Variants in USP20 observed in about 807,000 individuals in gnomAD.
USP20 encodes ubiquitin specific peptidase 20.
Under a neutral mutation model 124.2 loss-of-function variants are expected in USP20, and 80 were observed. That is an observed-to-expected ratio of 0.64 (90% CI 0.54 to 0.78). The LOEUF (loss-of-function observed/expected upper bound fraction) is 0.78, where lower values mean the gene tolerates loss of function less well. Among genes scored for constraint, USP20 ranks in the 30% least tolerant of loss-of-function variants. The pLI is 0.00. For missense variants in USP20, 1,043 were observed against 1,244.4 expected (o/e 0.84, Z 2.44); for synonymous variants, 481 against 512.3 (o/e 0.94, Z 0.83).
At position 129,880,143 on chromosome 9, in the gene USP20, C is replaced by T. The variant is rs1364427782; in HGVS notation, c.2615C>T (p.Thr872Ile). Residue 872 changes from threonine to isoleucine, a missense_variant, in exon 25 of 26, where the codon ACC (threonine) becomes ATC (isoleucine). By Grantham distance (89) the Thr-to-Ile change is moderately conservative. Coordinates refer to ENST00000372429, the MANE Select transcript of USP20 (RefSeq NM_001110303.4). Reference sequence around the variant, plus strand: ...GACTACGGGCAGATTTCGGAGGAGACCTGGACCTACCTGAACAGCCTGTAT... The same window carrying T: ...GACTACGGGCAGATTTCGGAGGAGATCTGGACCTACCTGAACAGCCTGTAT... ...GADYGQISEE[T>I]WTYLNSLYGG... The T allele has an allele frequency of 2.5e-6, 4 of 1,613,876 alleles. No homozygotes were observed. The highest frequency in any genetic ancestry group is 3.4e-6 in the Non-Finnish European group (4 of 1,180,010).
intron 9 of USP20, among the ~76,000 whole-genome samples, chr9:129,863,824 A>AG (rs1282029140): frequency 2.6e-5 from 4 of 152,172 alleles, no homozygotes; most frequent in Non-Finnish European, 5.9e-5. Flanking sequence ...AAACCAGCGT[A>AG]GGGCCAGGCG....
chr9:129,868,819 GCCTGGCTGC>G, intron 11 of USP20, 34 bp from the exon 12 acceptor site: 1 of 1,516,438 alleles, frequency 6.6e-7, no homozygotes, highest in Admixed American at 2.1e-5. Context: ...CGTGGAGCTG[GCCTGGCTGC>G]CCTGGCCCAG....
chr9:129,873,777 G>A (rs753722790), intron 17 of USP20, 33 bp downstream of exon 17: 10 of 1,607,368 alleles, frequency 6.2e-6, no homozygotes, highest in African/African-American at 1.3e-5. Flanking sequence ...CTCCTCCTCA[G>A]CTATCTCGGG....
chr9:129,843,117 A>AT (rs111656983), intron 1 of USP20, among the ~76,000 whole-genome samples: 14,702 of 140,506 alleles, frequency 0.1, 877 homozygotes, highest in Middle Eastern at 0.19. Flanking sequence ...TTGACCAATA[A>AT]TTTTTTTTTT....
intron 8 of USP20, among the ~76,000 whole-genome samples, chr9:129,862,719 A>G (rs2033612882): frequency 6.6e-6 from 1 of 151,992 alleles, no homozygotes; most frequent in Non-Finnish European, 1.5e-5. Context: ...CAGCCTGGCC[A>G]ACTAGTAGAG....
Position 129,870,443 on chromosome 9 carries a change from C to T in USP20, c.1566-10C>T, listed in dbSNP as rs896430142. ...CTGGCAGCACCCCTGCACTCCTTTT[C>T]TGTCTGTAGGTTTGTGGTATCCTGT... is the stretch of plus-strand genomic sequence containing the variant. On this transcript the variant is annotated splice_polypyrimidine_tract_variant and intron_variant, in intron 14 of 25. Coordinates refer to ENST00000372429, the MANE Select transcript of USP20 (RefSeq NM_001110303.4). 1.2e-6 allele frequency: 2 copies of T among 1,613,666 alleles called. No homozygotes were observed. The highest frequency in any genetic ancestry group is 8.5e-7 in the Non-Finnish European group (1 of 1,179,730).
chr9:129,846,247 A>ATATATATATGTATTT (rs1554742656), intron 1 of USP20, among the ~76,000 whole-genome samples: 1 of 32,664 alleles, frequency 3.1e-5, no homozygotes. Flanking sequence ...ATATATATAT[A>ATATATATATGTATTT]TTTTTTTTTT....
chr9:129,844,653 A>T (rs13294669), intron 1 of USP20, among the ~76,000 whole-genome samples: 2 of 150,174 alleles, frequency 1.3e-5, no homozygotes, highest in Non-Finnish European at 3.0e-5. Flanking sequence ...AAAAAATTAT[A>T]TATTCGTACA....
intron 1 of USP20, among the ~76,000 whole-genome samples, chr9:129,846,242 TATATA>T (rs1265877734): frequency 1.1e-3 from 39 of 35,528 alleles, no homozygotes; most frequent in East Asian, 8.2e-3. Flanking sequence ...TATATATATA[TATATA>T]TTTTTTTTTT....
At chr9:129,878,254 G>A in intron 22 of USP20, 84 bp from the exon 23 acceptor site, 2 of 1,092,554 alleles carry the variant, frequency 1.8e-6, no homozygotes, top group Admixed American at 4.0e-5. Context: ...AGGGACTGGG[G>A]CGGGGGCATT....
intron 15 of USP20, among the ~76,000 whole-genome samples, chr9:129,871,105 C>T (rs2034102235): frequency 1.3e-5 from 2 of 152,142 alleles, no homozygotes; most frequent in African/African-American, 4.8e-5. Flanking sequence ...GGTCACGCAG[C>T]CATCCTCCCC....
At chr9:129,867,253 CAG>C (rs1224583167) in intron 10 of USP20, among the ~76,000 whole-genome samples, 1 of 152,200 alleles carries the variant, frequency 6.6e-6, no homozygotes, top group Non-Finnish European at 1.5e-5. Flanking sequence ...TGTGAGCACA[CAG>C]ATCTCAGTGG....
At chr9:129,870,726 G>A (rs1467301774) in intron 15 of USP20, among the ~76,000 whole-genome samples, 179 bp downstream of exon 15, 1 of 152,234 alleles carries the variant, frequency 6.6e-6, no homozygotes, top group Non-Finnish European at 1.5e-5. Flanking sequence ...CTGGACCAGG[G>A]CCATGTGCTA....
chr9:129,875,090 G>A (rs2034325042), intron 19 of USP20, 135 bp downstream of exon 19: 1 of 1,416,862 alleles, frequency 7.1e-7, no homozygotes, highest in African/African-American at 1.4e-5. Context: ...TTAAGAAACA[G>A]CCCTCTGGCT....
intron 3 of USP20, among the ~76,000 whole-genome samples, chr9:129,854,353 C>T (rs771057604): frequency 6.6e-6 from 1 of 152,102 alleles, no homozygotes; most frequent in Non-Finnish European, 1.5e-5. Flanking sequence ...CCTGAATATT[C>T]CTCAAGAAAG....
At chr9:129,862,134 AT>A (rs11290258) in intron 8 of USP20, among the ~76,000 whole-genome samples, 133,444 of 152,168 alleles carry the variant, frequency 0.88, 58,907 homozygotes, top group East Asian at 1. Flanking sequence ...GAGATGCAGT[AT>A]ATGTATGCGG....
intron 9 of USP20, 90 bp downstream of exon 9, chr9:129,863,389 C>CAAGT: frequency 9.4e-7 from 1 of 1,069,304 alleles, no homozygotes; most frequent in Non-Finnish European, 1.3e-6. Flanking sequence ...GTGGATTCAG[C>CAAGT]CCCCAGCGAG....
intron 3 of USP20, among the ~76,000 whole-genome samples, chr9:129,853,159 C>T (rs1420450924): frequency 6.6e-6 from 1 of 151,998 alleles, no homozygotes; most frequent in African/African-American, 2.4e-5. Flanking sequence ...CCCAGCCCAC[C>T]CCCGGGTAAG....
Position 129,874,751 on chromosome 9 carries a change from C to G in USP20, c.1916C>G (p.Ala639Gly). The change falls in exon 18 of 26, where the codon GCA (alanine) becomes GGA (glycine). Residue 639 changes from alanine to glycine, a missense_variant. Physicochemically the swap from Ala to Gly is moderately conservative, Grantham distance 60. Coordinates refer to ENST00000372429, the MANE Select transcript of USP20 (RefSeq NM_001110303.4). ...TCGGTCATCTGCCACCACGGCACGG[C>G]AGGCAGTGAGTCATGTCCCCTCCCC... ...LLSVICHHGTAGSGHYIAYCQ... is the reference protein window; with the variant it reads ...LLSVICHHGTGGSGHYIAYCQ... 6.2e-7 allele frequency: 1 copy of G among 1,613,916 alleles called. No homozygotes were observed. Among genetic ancestry groups the G allele is most frequent in the Non-Finnish European group, 8.5e-7 (1 of 1,180,010 alleles).
Sources: gnomAD v4.1 joint callset for allele counts (sites outside exome capture counted in the v4.1 genomes callset) on GRCh38, gnomAD v4.1.1 for gene constraint, MANE v1.5 for transcripts, NCBI Gene and HGNC (gene_info 2026-07-23, HGNC 2026-07-21) for gene names.